NOS1AP: variants seen among roughly 807,000 people sequenced by gnomAD.
The protein encoded by NOS1AP is carboxyl-terminal PDZ ligand of neuronal nitric oxide synthase protein.
In NOS1AP, 21 loss-of-function variants were observed where a neutral mutation model predicts 56.2. The observed-to-expected ratio is 0.37, with a 90% CI of 0.26 to 0.54. The LOEUF (loss-of-function observed/expected upper bound fraction) is 0.54. Ranked by LOEUF, NOS1AP falls within the 20% of genes least tolerant of loss-of-function variation. NOS1AP has a pLI of 0.84. For synonymous variants in NOS1AP, 270 were observed against 274.6 expected (o/e 0.98, Z 0.17); for missense variants, 522 against 657.8 (o/e 0.79, Z 2.26).
At chr1:162,077,419 T>C (rs1691792911) in intron 1 of NOS1AP, among the ~76,000 whole-genome samples, 1 of 152,218 alleles carries the variant, frequency 6.6e-6, no homozygotes, top group Non-Finnish European at 1.5e-5. Context: ...GAAATGTCTA[T>C]TCTGATCCTT....
At position 162,266,242 on chromosome 1, in the gene NOS1AP, A is replaced by G. The variant is rs80043014; in HGVS notation, c.178-21102A>G. ...TATTGGGAGATTACAAGCAGTCTAC[A>G]TAGATTCTGAAACCCATGTTCTCAG... is the stretch of plus-strand genomic sequence containing the variant. On this transcript the variant is annotated intron_variant, in intron 2 of 9. Transcript: ENST00000361897. Among the ~76,000 whole-genome samples the G allele has an allele frequency of 9.7e-3, 1,474 of 152,326 alleles. 24 individuals carry two copies. Among genetic ancestry groups the G allele is most frequent in the African/African-American group, 0.034 (1,409 of 41,570 alleles).
intron 2 of NOS1AP, among the ~76,000 whole-genome samples, chr1:162,258,606 AACCCTTAACATAT>A (rs1654109974): frequency 6.6e-6 from 1 of 152,178 alleles, no homozygotes; most frequent in South Asian, 2.1e-4. Flanking sequence ...CCATGGGCTG[AACCCTTAACATAT>A]ACAGTGGAAA....
chr1:162,290,385 A>G (rs916948185), intron 3 of NOS1AP, among the ~76,000 whole-genome samples: 1 of 152,206 alleles, frequency 6.6e-6, no homozygotes, highest in East Asian at 1.9e-4. Flanking sequence ...CCTTTTTGTC[A>G]TCTTGTTCTC....
At chr1:162,133,398 C>G (rs1175830151) in intron 1 of NOS1AP, among the ~76,000 whole-genome samples, 1 of 152,164 alleles carries the variant, frequency 6.6e-6, no homozygotes, top group East Asian at 1.9e-4. Flanking sequence ...GTCTTGGTTA[C>G]CATTGTGCCT....
At chr1:162,110,764 T>G (rs1647679381) in intron 1 of NOS1AP, among the ~76,000 whole-genome samples, 1 of 152,214 alleles carries the variant, frequency 6.6e-6, no homozygotes, top group Non-Finnish European at 1.5e-5. Context: ...AATAATAAAA[T>G]TTAATTTTCA....
At chr1:162,194,159 A>G (rs1413167760) in intron 2 of NOS1AP, among the ~76,000 whole-genome samples, 1 of 152,130 alleles carries the variant, frequency 6.6e-6, no homozygotes, top group Middle Eastern at 3.2e-3. Context: ...CTGGTTTTCA[A>G]ACATGATTTC....
intron 8 of NOS1AP, among the ~76,000 whole-genome samples, chr1:162,360,014 C>A (rs1419216081): frequency 2.1e-5 from 3 of 145,430 alleles, no homozygotes; most frequent in Non-Finnish European, 3.0e-5. Context: ...GTCGTCCCCC[C>A]CCCACCACCC....
chr1:162,186,678 A>G (rs1651444909), intron 2 of NOS1AP, among the ~76,000 whole-genome samples: 2 of 152,210 alleles, frequency 1.3e-5, no homozygotes, highest in Admixed American at 1.3e-4. Context: ...CTGTGTGAGG[A>G]CACAGTGAGA....
At chr1:162,171,386 G>T (rs563383089) in intron 2 of NOS1AP, among the ~76,000 whole-genome samples, 2 of 152,230 alleles carry the variant, frequency 1.3e-5, no homozygotes, top group African/African-American at 4.8e-5. Flanking sequence ...ATTGGAAAGG[G>T]TTATGTAACC....
intron 1 of NOS1AP, among the ~76,000 whole-genome samples, chr1:162,124,688 A>AT (rs201956115): frequency 6.6e-6 from 1 of 151,848 alleles, no homozygotes; most frequent in Non-Finnish European, 1.5e-5. Flanking sequence ...CGCCCAGCTA[A>AT]TTTTTTGTAT....
At chr1:162,361,860 CT>C (rs1258961716) in intron 8 of NOS1AP, among the ~76,000 whole-genome samples, 4 of 152,152 alleles carry the variant, frequency 2.6e-5, no homozygotes, top group Non-Finnish European at 4.4e-5. Context: ...TAAGAGGGGA[CT>C]TTTCCTTCAC....
At chr1:162,157,522 G>A (rs1650022547) in intron 2 of NOS1AP, among the ~76,000 whole-genome samples, 1 of 152,238 alleles carries the variant, frequency 6.6e-6, no homozygotes, top group Admixed American at 6.5e-5. Flanking sequence ...GTAGAACGGT[G>A]CCAGGCTAAC....
intron 2 of NOS1AP, among the ~76,000 whole-genome samples, chr1:162,207,534 A>T (rs1490470857): frequency 1.3e-5 from 2 of 152,234 alleles, no homozygotes; most frequent in Non-Finnish European, 2.9e-5. Context: ...TGGTAATACC[A>T]GGTACTTTAC....
chr1:162,183,020 G>C (rs1269446589), intron 2 of NOS1AP, among the ~76,000 whole-genome samples: 1 of 152,154 alleles, frequency 6.6e-6, no homozygotes, highest in South Asian at 2.1e-4. Flanking sequence ...TGCTTTGTTT[G>C]GGTCCTTCAG....
chr1:162,295,408 T>C (rs1655424501), intron 3 of NOS1AP, among the ~76,000 whole-genome samples: 1 of 152,258 alleles, frequency 6.6e-6, no homozygotes, highest in Non-Finnish European at 1.5e-5. Flanking sequence ...GCTGTAGTTA[T>C]TGTTCAGTAA....
chr1:162,070,241 A>G lies in NOS1AP; in HGVS notation c.64A>G (p.Asn22Asp). ...GCACGACCTGCGGATCCCCTTGCAC[A>G]ACGAGGACGCCTTCCAGCACGGCAT... ...DGHDLRIPLH[N>D]EDAFQHGICF... Residue 22 changes from asparagine to aspartate, a missense_variant, in exon 1 of 10, where the codon AAC (asparagine) becomes GAC (aspartate). By Grantham distance (23) the Asn-to-Asp change is conservative (BLOSUM62 1). Coordinates refer to ENST00000361897, the MANE Select transcript of NOS1AP (RefSeq NM_014697.3). 1 of 1,613,988 alleles carries G rather than the reference A, an allele frequency of 6.2e-7. No individual in the cohort carries two copies. Among genetic ancestry groups the G allele is most frequent in the Non-Finnish European group, 8.5e-7 (1 of 1,179,922 alleles).
Position 162,326,758 on chromosome 1 carries a change from G to T in NOS1AP, c.345-6259G>T, listed in dbSNP as rs1193640593. 2.0e-5 allele frequency among the ~76,000 whole-genome samples: 3 copies of T among 152,154 alleles called. No homozygotes were observed. The East Asian group carries it at 5.8e-4, about 29-fold the overall frequency. On this transcript the variant is annotated intron_variant, in intron 4 of 9. Transcript: ENST00000361897. ...CAATGTCCCAGCTCAAAGCAATCAG[G>T]CAGGAGGCATTCCCTCTTACTCAAC...
At chr1:162,294,173 TAGGAAGGAAGGAAGGAAGGAAGTAAGGA>T (rs1350966941) in intron 3 of NOS1AP, among the ~76,000 whole-genome samples, 130 of 84,770 alleles carry the variant, frequency 1.5e-3, no homozygotes, top group African/African-American at 4.9e-3. Context: ...GGAAGGCAGG[TAGGAAGGAAGGAAGGAAGGAAGTAAGGA>T]AGGAAGGAAG....
intron 8 of NOS1AP, among the ~76,000 whole-genome samples, chr1:162,357,827 T>G (rs962834421): frequency 6.8e-6 from 1 of 146,908 alleles, no homozygotes; most frequent in Non-Finnish European, 1.5e-5. Flanking sequence ...TTTCCCTTGC[T>G]GCTTTCAGCA....
Sources: allele counts gnomAD v4.1 joint callset (sites outside exome capture counted in the v4.1 genomes callset), GRCh38; gene constraint gnomAD v4.1.1; transcripts MANE v1.5; gene names NCBI Gene and HGNC (gene_info 2026-07-23, HGNC 2026-07-21).